Variants in FAM135B observed in about 807,000 individuals in gnomAD.
FAM135B encodes the protein protein FAM135B.
FAM135B carries 43 observed loss-of-function variants against 127.7 expected under a neutral mutation model. The observed-to-expected ratio is 0.34, with a 90% CI of 0.26 to 0.43. The LOEUF (loss-of-function observed/expected upper bound fraction) is 0.43. FAM135B is among the 20% of genes least tolerant of loss of function. FAM135B has a pLI of 1.00. For missense variants in FAM135B, 1,558 were observed against 1,725.6 expected (o/e 0.90, Z 1.72); for synonymous variants, 670 against 665.1 (o/e 1.01, Z -0.11).
Position 138,178,562 on chromosome 8 carries a change from A to G in FAM135B, c.1002T>C (p.Tyr334=), listed in dbSNP as rs114350546. 2.1e-4 allele frequency: 344 copies of G among 1,613,998 alleles called. No homozygotes were observed. In the African/African-American group the frequency reaches 3.7e-3, roughly 17 times the overall value. Residue 334 remains tyrosine (Y), a synonymous_variant, in exon 10 of 20, where the codon TAT becomes TAC. Transcript: ENST00000395297. ...TCAGGGTGTGGTGTTCCTGGGTGAGATAAGTGGTCACTTGGGAGTGCAGAG... is the reference window on the plus strand; with the variant it reads ...TCAGGGTGTGGTGTTCCTGGGTGAGGTAAGTGGTCACTTGGGAGTGCAGAG... The part of the protein sequence containing the change: ...TVTLHSQVTT[Y]LTQEHHTLRV...
At chr8:138,448,855 G>A (rs1050383318) in intron 1 of FAM135B, among the ~76,000 whole-genome samples, 18 of 151,450 alleles carry the variant, frequency 1.2e-4, no homozygotes, top group African/African-American at 4.4e-4. Flanking sequence ...CTGTTTCCAT[G>A]GAGATTACTA....
At position 138,241,112 on chromosome 8, in the gene FAM135B, T is replaced by C. The variant is rs1820732563; in HGVS notation, c.669+1830A>G. Among the ~76,000 whole-genome samples the C allele has an allele frequency of 2.0e-5, 3 of 152,250 alleles. 1 individual carries two copies. The highest frequency in any genetic ancestry group is 4.2e-4 in the South Asian group (2 of 4,814). The stretch of plus-strand genomic sequence containing the variant: ...AGGGAGAAGCTGAACTGTGATGTAG[T>C]CACAGCAAAGGCTTCGGCCGACCAC... On this transcript the variant is annotated intron_variant, in intron 7 of 19. Transcript: ENST00000395297. The surrounding 1 kb of genome is among the most constrained non-coding windows in gnomAD (Gnocchi z 4.8).
chr8:138,183,986 A>G (rs1586712058), intron 9 of FAM135B, among the ~76,000 whole-genome samples: 2 of 152,060 alleles, frequency 1.3e-5, no homozygotes, highest in Middle Eastern at 6.8e-3. Flanking sequence ...ACAAAGTAAC[A>G]CAAATCCTTA....
intron 7 of FAM135B, among the ~76,000 whole-genome samples, chr8:138,237,249 C>T (rs1190466376): frequency 6.6e-6 from 1 of 151,428 alleles, no homozygotes; most frequent in Non-Finnish European, 1.5e-5. Flanking sequence ...CAACCTCCGC[C>T]TCCAGGGTTC....
At chr8:138,382,569 C>T (rs1244021477) in intron 1 of FAM135B, among the ~76,000 whole-genome samples, 1 of 152,064 alleles carries the variant, frequency 6.6e-6, no homozygotes, top group African/African-American at 2.4e-5. Flanking sequence ...TTTATTAATC[C>T]CTGCTTTTGT....
intron 7 of FAM135B, among the ~76,000 whole-genome samples, chr8:138,219,759 C>G (rs1052711934): frequency 6.6e-6 from 1 of 152,108 alleles, no homozygotes; most frequent in African/African-American, 2.4e-5. Context: ...TGCATTAGCA[C>G]GGATCAGGTT....
At chr8:138,360,710 A>T (rs530605827) in intron 2 of FAM135B, among the ~76,000 whole-genome samples, 2 of 152,110 alleles carry the variant, frequency 1.3e-5, no homozygotes, top group East Asian at 3.9e-4. Flanking sequence ...CACTGTGAAG[A>T]TTTTTTTTAC....
intron 7 of FAM135B, among the ~76,000 whole-genome samples, chr8:138,240,217 T>C (rs565362651): frequency 9.2e-5 from 14 of 152,308 alleles, no homozygotes; most frequent in Middle Eastern, 3.4e-3. Flanking sequence ...GCATTTATCA[T>C]AGGAGGCATT....
intron 3 of FAM135B, among the ~76,000 whole-genome samples, chr8:138,306,947 G>A (rs1473446857): frequency 6.6e-6 from 1 of 152,176 alleles, no homozygotes; most frequent in African/African-American, 2.4e-5. Flanking sequence ...GCTGGTCACA[G>A]TCTTGGTCCT....
chr8:138,396,880 A>G (rs1832883606), intron 1 of FAM135B, among the ~76,000 whole-genome samples: 1 of 152,180 alleles, frequency 6.6e-6, no homozygotes, highest in South Asian at 2.1e-4. Flanking sequence ...TTCTGCTTCA[A>G]AGGACACACG....
At chr8:138,375,013 CA>C (rs1831374896) in intron 1 of FAM135B, among the ~76,000 whole-genome samples, 4 of 151,940 alleles carry the variant, frequency 2.6e-5, no homozygotes, top group African/African-American at 9.7e-5. Flanking sequence ...ACAACAACAA[CA>C]ACCCCAGATT....
intron 1 of FAM135B, among the ~76,000 whole-genome samples, chr8:138,416,432 T>A (rs1246650923): frequency 6.6e-6 from 1 of 152,210 alleles, no homozygotes; most frequent in Admixed American, 6.5e-5. Flanking sequence ...TCCAGTCTAA[T>A]ACAGCTGGAG....
At chr8:138,238,366 G>T (rs1367433716) in intron 7 of FAM135B, among the ~76,000 whole-genome samples, 1 of 152,152 alleles carries the variant, frequency 6.6e-6, no homozygotes, top group Non-Finnish European at 1.5e-5. Flanking sequence ...TAAGCCAAGA[G>T]TCAAAGAGGG....
At chr8:138,159,278 C>CAAAA (rs1441016128) in intron 12 of FAM135B, among the ~76,000 whole-genome samples, 344 of 31,650 alleles carry the variant, frequency 0.011, 75 homozygotes, top group South Asian at 0.04. Context: ...GACTCCGTCT[C>CAAAA]AAAAAAAAAA....
At chr8:138,287,857 T>C (rs1402213780) in intron 3 of FAM135B, among the ~76,000 whole-genome samples, 1 of 152,202 alleles carries the variant, frequency 6.6e-6, no homozygotes, top group Non-Finnish European at 1.5e-5. Context: ...ACACGTTACC[T>C]ATTAGTCACT....
chr8:138,306,499 T>G (rs1482848132), intron 3 of FAM135B, among the ~76,000 whole-genome samples: 1 of 150,654 alleles, frequency 6.6e-6, no homozygotes, highest in Non-Finnish European at 1.5e-5. Flanking sequence ...ACAACCTGGC[T>G]TTCCCTTGAA....
intron 1 of FAM135B, chr8:138,437,961 T>C (rs1835547888): frequency 1.3e-5 from 2 of 152,222 alleles, no homozygotes; most frequent in African/African-American, 4.8e-5. Context: ...GATGTGCTAA[T>C]GCTGAAATCA....
At chr8:138,409,262 T>C (rs1056773113) in intron 1 of FAM135B, among the ~76,000 whole-genome samples, 1 of 152,062 alleles carries the variant, frequency 6.6e-6, no homozygotes, top group Admixed American at 6.6e-5. Context: ...AGGAGAAAGA[T>C]GGGGGAAGGG....
At chr8:138,148,005 T>C (rs1035716244) in intron 14 of FAM135B, among the ~76,000 whole-genome samples, 1 of 152,072 alleles carries the variant, frequency 6.6e-6, no homozygotes, top group Non-Finnish European at 1.5e-5. Flanking sequence ...TAAACATAGG[T>C]AGCAAGATAG....
Sources: allele counts gnomAD v4.1 joint callset (sites outside exome capture counted in the v4.1 genomes callset), GRCh38; gene constraint gnomAD v4.1.1; non-coding constraint Gnocchi (gnomAD v3.1); transcripts MANE v1.5; gene names NCBI Gene and HGNC (gene_info 2026-07-23, HGNC 2026-07-21).